BICD1: variants seen among roughly 807,000 people sequenced by gnomAD.
BICD1 encodes the protein BICD cargo adaptor 1.
A neutral mutation model predicts 92.5 loss-of-function variants in BICD1; 35 were observed. That is an observed-to-expected ratio of 0.38 (90% CI 0.29 to 0.50). The LOEUF (loss-of-function observed/expected upper bound fraction) is 0.50. Among genes scored for constraint, BICD1 ranks in the 20% least tolerant of loss-of-function variants. The pLI is 0.93. For missense variants in BICD1, 950 were observed against 1,189.8 expected (o/e 0.80, Z 2.97); for synonymous variants, 429 against 465.1 (o/e 0.92, Z 1.00).
At chr12:32,340,854 A>C (rs1592697628) in intron 8 of BICD1, 1 of 152,446 alleles carries the variant, frequency 6.6e-6, no homozygotes, top group Admixed American at 6.5e-5. Context: ...ATTATAGAGC[A>C]CTGCTGGGAA....
In BICD1 at chr12:32,337,364, T is replaced by TA. The variant is rs1938174799; in HGVS notation, c.2253-134dup. 1 of 711,512 alleles carries TA rather than the reference T, an allele frequency of 1.4e-6. No individual in the cohort carries two copies. Among genetic ancestry groups the TA allele is most frequent in the African/African-American group, 1.8e-5 (1 of 55,822 alleles). 44.1% of individuals were successfully genotyped at this position (711,512 alleles called of 1,614,324 possible). On this transcript the variant is annotated intron_variant, in intron 6 of 9. Coordinates refer to ENST00000652176, the MANE Select transcript of BICD1 (RefSeq NM_001714.4). The surrounding 1 kb of genome is among the most constrained non-coding windows in gnomAD (Gnocchi z 4.7). ...CAGTTTTCTGCTATTGTGGGTTATC[T>TA]ACATTCTATTGCTAGACCTTTAAAC...
rs551986006 is a variant in BICD1, at chr12:32,125,870, C to T, written c.213+18326C>T. Among the ~76,000 whole-genome samples, 23 of 133,596 alleles carry T rather than the reference C, an allele frequency of 1.7e-4. No individual in the cohort carries two copies. The East Asian group carries it at 3.5e-3, about 21-fold the overall frequency. The allele number at this position is 133,596 out of a possible 152,430, so 87.6% of individuals were successfully genotyped here. On this transcript the variant is annotated intron_variant, in intron 1 of 9. Transcript: ENST00000652176. ...CTGCCGGGGCAACATGGCAAGACCCCGTCTCTAAAAAAAAAAAAAAATGCC... is the reference window on the plus strand; with the variant it reads ...CTGCCGGGGCAACATGGCAAGACCCTGTCTCTAAAAAAAAAAAAAAATGCC...
At chr12:32,325,948 T>G (rs760783289) in intron 4 of BICD1, among the ~76,000 whole-genome samples, 2 of 151,472 alleles carry the variant, frequency 1.3e-5, no homozygotes, top group African/African-American at 2.4e-5. Flanking sequence ...CTGGGCGTGG[T>G]CGTGGGCGCC....
intron 8 of BICD1, among the ~76,000 whole-genome samples, chr12:32,358,928 A>G (rs1410212005): frequency 6.6e-6 from 1 of 152,056 alleles, no homozygotes; most frequent in Non-Finnish European, 1.5e-5. Context: ...TCTTTCTTCT[A>G]CATTTCTTCT....
intron 1 of BICD1, among the ~76,000 whole-genome samples, chr12:32,177,515 C>G (rs190383658): frequency 1.3e-5 from 2 of 148,418 alleles, no homozygotes; most frequent in East Asian, 3.9e-4. Flanking sequence ...GTAAGACAAA[C>G]AATAACATGT....
At chr12:32,222,567 A>G (rs968092729) in intron 2 of BICD1, among the ~76,000 whole-genome samples, 3 of 152,206 alleles carry the variant, frequency 2.0e-5, no homozygotes, top group African/African-American at 7.2e-5. Flanking sequence ...CCAAGAGCAT[A>G]GGTTTCCCTC....
chr12:32,179,809 G>C (rs969184759), intron 1 of BICD1, among the ~76,000 whole-genome samples: 1 of 151,644 alleles, frequency 6.6e-6, no homozygotes, highest in African/African-American at 2.4e-5. Context: ...TGGCCAGCAT[G>C]GTGAAGCCTC....
At chr12:32,310,822 A>C (rs572693166) in intron 4 of BICD1, among the ~76,000 whole-genome samples, 74 of 152,370 alleles carry the variant, frequency 4.9e-4, no homozygotes, top group African/African-American at 1.8e-3. Flanking sequence ...CATGTTGTAC[A>C]TGATAAATAT....
chr12:32,338,554 C>T (rs1366150769), intron 7 of BICD1: 19 of 390,188 alleles, frequency 4.9e-5, no homozygotes, highest in East Asian at 1.4e-4. Context: ...TTTCTATTTG[C>T]GGTTCAAGCT....
At chr12:32,205,008 T>C (rs1945007939) in intron 1 of BICD1, among the ~76,000 whole-genome samples, 1 of 152,218 alleles carries the variant, frequency 6.6e-6, no homozygotes. Flanking sequence ...GAGTCCAATA[T>C]GATTCCAAAG....
At chr12:32,326,348 G>A (rs1163449346) in intron 4 of BICD1, among the ~76,000 whole-genome samples, 7 of 151,992 alleles carry the variant, frequency 4.6e-5, no homozygotes, top group Admixed American at 4.6e-4. Flanking sequence ...TCACCCATAT[G>A]GAAGGAGAGA....
At chr12:32,261,653 C>T (rs1946863013) in intron 2 of BICD1, among the ~76,000 whole-genome samples, 1 of 152,218 alleles carries the variant, frequency 6.6e-6, no homozygotes, top group African/African-American at 2.4e-5. Flanking sequence ...CTGGAGGATT[C>T]CACCACCTTT....
chr12:32,159,102 T>C (rs1034755139), intron 1 of BICD1, among the ~76,000 whole-genome samples: 4 of 152,010 alleles, frequency 2.6e-5, no homozygotes, highest in Admixed American at 6.5e-5. Context: ...CCCAGCTAAT[T>C]TTTGTATTTT....
rs1303967919 is a variant in BICD1 at position 32,121,240 on chromosome 12, G to A, written c.213+13696G>A. Among the ~76,000 whole-genome samples, 15 of 151,794 alleles carry A rather than the reference G, an allele frequency of 9.9e-5. 1 individual carries two copies. Among genetic ancestry groups the A allele is most frequent in the Admixed American group, 5.9e-4 (9 of 15,198 alleles). Reference sequence around the variant, plus strand: ...GTCTCAGAGTGCTGGGAGTACAGGCGTGAGCCACAGCACCTGGCGTCCATA... The same window carrying A: ...GTCTCAGAGTGCTGGGAGTACAGGCATGAGCCACAGCACCTGGCGTCCATA... On this transcript the variant is annotated intron_variant, in intron 1 of 9. Coordinates refer to ENST00000652176, the MANE Select transcript of BICD1 (RefSeq NM_001714.4).
At chr12:32,298,727 G>A (rs566533130) in intron 3 of BICD1, among the ~76,000 whole-genome samples, 176 of 151,376 alleles carry the variant, frequency 1.2e-3, no homozygotes, top group African/African-American at 3.8e-3. Flanking sequence ...AAAATTAGCC[G>A]GGCGTGGTGG....
intron 9 of BICD1, among the ~76,000 whole-genome samples, chr12:32,369,792 G>C (rs1481058181): frequency 2.0e-5 from 3 of 151,826 alleles, no homozygotes; most frequent in African/African-American, 7.3e-5. Flanking sequence ...TGTAGTCCCA[G>C]CTATTTGGGA....
At chr12:32,223,500 G>A (rs1945595197) in intron 2 of BICD1, among the ~76,000 whole-genome samples, 1 of 124,714 alleles carries the variant, frequency 8.0e-6, no homozygotes, top group South Asian at 2.6e-4. Context: ...CTGAGTAACA[G>A]AAAGAGACTT....
At chr12:32,367,548 G>A (rs970527175) in intron 8 of BICD1, 122 bp from the exon 9 acceptor site, 4 of 846,214 alleles carry the variant, frequency 4.7e-6, no homozygotes, top group Non-Finnish European at 7.4e-6. Flanking sequence ...GCTGAATCAG[G>A]ATATTTCTGT....
intron 5 of BICD1, among the ~76,000 whole-genome samples, chr12:32,331,630 G>GGC (rs1316041014): frequency 6.6e-6 from 1 of 152,036 alleles, no homozygotes; most frequent in Non-Finnish European, 1.5e-5. Flanking sequence ...ATGATTCCGT[G>GGC]GCTGAAACAA....
Sources: allele counts gnomAD v4.1 joint callset (sites outside exome capture counted in the v4.1 genomes callset), GRCh38; gene constraint gnomAD v4.1.1; non-coding constraint Gnocchi (gnomAD v3.1); transcripts MANE v1.5; gene names NCBI Gene and HGNC (gene_info 2026-07-23, HGNC 2026-07-21).